Variants in KDM8 observed in about 807,000 individuals in gnomAD.
The protein encoded by KDM8 is lysine demethylase 8.
In KDM8, 35 loss-of-function variants were observed where a neutral mutation model predicts 46.9. That is an observed-to-expected ratio of 0.75 (90% CI 0.57 to 0.99). The LOEUF is 0.99. Ranked by LOEUF, KDM8 falls within the 50% of genes least tolerant of loss-of-function variation. The pLI, the probability that KDM8 is intolerant of heterozygous loss-of-function variation, is 0.00. For missense variants in KDM8, 475 were observed against 537.0 expected, an observed-to-expected ratio of 0.88 and a Z score of 1.14; for synonymous variants, 232 against 227.7, an observed-to-expected ratio of 1.02 and a Z score of -0.17.
At chr16:27,219,754 G>T (rs764136542) in intron 6 of KDM8, among the ~76,000 whole-genome samples, 1 of 152,198 alleles carries the variant, frequency 6.6e-6, no homozygotes, top group Non-Finnish European at 1.5e-5. Context: ...TAATCTCTCT[G>T]TGCTTCAGTT....
intron 5 of KDM8, among the ~76,000 whole-genome samples, chr16:27,218,613 G>A (rs146571504): frequency 2.9e-4 from 44 of 152,312 alleles, no homozygotes; most frequent in African/African-American, 8.9e-4. Context: ...AGGCCGAGGC[G>A]GGTGGATCAA....
At chr16:27,204,168 AG>A in intron 1 of KDM8, 4 of 1,509,886 alleles carry the variant, frequency 2.6e-6, no homozygotes, top group Non-Finnish European at 3.5e-6. Flanking sequence ...GCTCAAGGCC[AG>A]TGCGGGGTAC....
intron 2 of KDM8, among the ~76,000 whole-genome samples, chr16:27,210,839 T>G (rs1004720178): frequency 2.6e-5 from 4 of 151,526 alleles, no homozygotes; most frequent in African/African-American, 9.7e-5. Flanking sequence ...CTCGGCTCCT[T>G]GCAGCCTCCA....
In KDM8 at chr16:27,220,614, G is replaced by T. The variant is rs761792329; in HGVS notation, c.1135G>T (p.Ala379Ser). ...DLEKFPKFAK[A>S]PFLSCILSPG... is the part of the protein sequence containing the mutation. ...GGAAAAGTTCCCCAAGTTTGCCAAG[G>T]CCCCATTCCTGTCCTGCATCCTGTC... Residue 379 changes from alanine (A) to serine (S), a missense_variant, in exon 8 of 8, where the codon GCC (alanine) becomes TCC (serine). Ala to Ser is a moderately conservative substitution (Grantham distance 99). Transcript: ENST00000286096. 6.2e-7 allele frequency: 1 copy of T among 1,614,120 alleles called. No homozygotes were observed. Among genetic ancestry groups the T allele is most frequent in the African/African-American group, 1.3e-5 (1 of 75,012 alleles).
In KDM8 at chr16:27,213,707, C is replaced by T; in HGVS notation, c.621C>T (p.Ile207=). The change falls in exon 3 of 8, where the codon ATC becomes ATT. Residue 207 remains isoleucine (I), a synonymous_variant. Coordinates refer to ENST00000286096, the MANE Select transcript of KDM8 (RefSeq NM_024773.3). ...EQFLVPGRPV[I]LKGVADHWPC... is the part of the protein sequence containing the mutation. ...TTTTGGTTCCAGGGAGGCCCGTGAT[C>T]CTGAAAGGCGTGGCTGACCACTGGC... The T allele has an allele frequency of 6.2e-7, 1 of 1,614,186 alleles. No homozygotes were observed. Among genetic ancestry groups the T allele is most frequent in the East Asian group, 2.2e-5 (1 of 44,886 alleles).
At position 27,210,517 on chromosome 16, in the gene KDM8, G is replaced by A. The variant is rs556159194; in HGVS notation, c.394G>A (p.Ala132Thr). 2.6e-6 allele frequency: 4 copies of A among 1,556,690 alleles called. No individual in the cohort carries two copies. The highest frequency in any genetic ancestry group is 2.7e-5 in the African/African-American group (2 of 73,712). ...TGACATGGGCCTGCTGATGGGGGCA[G>A]CCATCCTGGGGGACATCCTTCTTAA... ...VCDMGLLMGA[A>T]ILGDILLKVA... The change falls in exon 2 of 8, where the codon GCC becomes ACC. Residue 132 changes from alanine (A) to threonine (T), a missense_variant. Ala to Thr is a moderately conservative substitution (Grantham distance 58, BLOSUM62 0). Coordinates refer to ENST00000286096, the MANE Select transcript of KDM8 (RefSeq NM_024773.3).
chr16:27,208,686 G>C (rs1052358903), intron 1 of KDM8, among the ~76,000 whole-genome samples: 4 of 152,130 alleles, frequency 2.6e-5, no homozygotes, highest in Non-Finnish European at 5.9e-5. Context: ...CCACACACGG[G>C]ATGAGCCAGG....
chr16:27,210,316 C>G lies in KDM8; in HGVS notation c.193C>G (p.Leu65Val). 6.2e-7 allele frequency: 1 copy of G among 1,613,320 alleles called. No homozygotes were observed. Among genetic ancestry groups the G allele is most frequent in the Non-Finnish European group, 8.5e-7 (1 of 1,180,036 alleles). ...LFYEGRRDEC[L>V]QSSEVILDYS... ...CTACGAGGGCAGGAGGGACGAGTGTCTGCAGAGCAGCGAGGTGATCCTGGA... is the reference window on the plus strand; with the variant it reads ...CTACGAGGGCAGGAGGGACGAGTGTGTGCAGAGCAGCGAGGTGATCCTGGA... Residue 65 changes from leucine to valine, a missense_variant, in exon 2 of 8, where the codon CTG (leucine) becomes GTG (valine). Transcript: ENST00000286096.
intron 1 of KDM8, among the ~76,000 whole-genome samples, chr16:27,205,353 C>T (rs1297905904): frequency 1.3e-5 from 2 of 152,172 alleles, no homozygotes; most frequent in Non-Finnish European, 2.9e-5. Context: ...TCATTTCATA[C>T]ACCAGCAGAC....
chr16:27,217,393 A>AATC (rs1051673706), intron 5 of KDM8, among the ~76,000 whole-genome samples: 5 of 152,112 alleles, frequency 3.3e-5, no homozygotes, highest in Non-Finnish European at 5.9e-5. Context: ...CTGGTCAGCC[A>AATC]ATCACCTTTC....
Position 27,220,401 on chromosome 16 carries a change from G to A in KDM8, c.1002G>A (p.Gly334=). ...PQQNFLVQVM[G]RKYIRLYSPQ... ...AGGGTCTCTCTCCCCAGGTGATGGG[G>A]AGGAAGTACATCCGGCTGTATTCCC... Residue 334 remains glycine (G), a synonymous_variant, in exon 7 of 8, where the codon GGG becomes GGA. Transcript: ENST00000286096. 1 of 1,613,944 alleles carries A rather than the reference G, an allele frequency of 6.2e-7. No individual in the cohort carries two copies. Among genetic ancestry groups the A allele is most frequent in the Non-Finnish European group, 8.5e-7 (1 of 1,179,890 alleles).
chr16:27,217,088 G>A (rs1039852642), intron 5 of KDM8, among the ~76,000 whole-genome samples: 3 of 152,240 alleles, frequency 2.0e-5, no homozygotes, highest in Non-Finnish European at 4.4e-5. Flanking sequence ...TCCCAGAGCT[G>A]AGTGTCTACC....
intron 5 of KDM8, among the ~76,000 whole-genome samples, chr16:27,218,392 T>C (rs1596658778): frequency 6.6e-6 from 1 of 151,954 alleles, no homozygotes; most frequent in Admixed American, 6.6e-5. Context: ...TCAGAGGCCA[T>C]GGGGAGCCGC....
intron 1 of KDM8, among the ~76,000 whole-genome samples, chr16:27,208,555 A>T (rs751707847): frequency 3.3e-5 from 5 of 152,154 alleles, no homozygotes; most frequent in Non-Finnish European, 7.4e-5. Context: ...GTAGGGCAAT[A>T]AATGGTCTCC....
chr16:27,204,243 A>C, intron 1 of KDM8: 1 of 1,417,000 alleles, frequency 7.1e-7, no homozygotes, highest in Non-Finnish European at 9.2e-7. Flanking sequence ...GCTCGGTAGG[A>C]CTTAACGATG....
chr16:27,210,312 G>T lies in KDM8; in HGVS notation c.189G>T (p.Glu63Asp). The T allele has an allele frequency of 1.2e-6, 2 of 1,613,340 alleles. No homozygotes were observed. The highest frequency in any genetic ancestry group is 2.2e-5 in the South Asian group (2 of 91,088). Residue 63 changes from glutamate to aspartate, a missense_variant, in exon 2 of 8, where the codon GAG (glutamate) becomes GAT (aspartate). By Grantham distance (45) the Glu-to-Asp change is conservative. Transcript: ENST00000286096. The part of the protein sequence containing the change: ...TELFYEGRRD[E>D]CLQSSEVILD... ...TCTTCTACGAGGGCAGGAGGGACGA[G>T]TGTCTGCAGAGCAGCGAGGTGATCC...
intron 2 of KDM8, among the ~76,000 whole-genome samples, chr16:27,212,101 T>C (rs996524622): frequency 1.3e-5 from 2 of 152,180 alleles, no homozygotes; most frequent in Admixed American, 1.3e-4. Context: ...ACGTAAGGAA[T>C]GGTACAAATC....
rs767728370 is a variant in KDM8 at position 27,220,662 on chromosome 16, C to T, written c.1183C>T (p.Pro395Ser). 3 of 1,614,028 alleles carry T rather than the reference C, an allele frequency of 1.9e-6. No individual in the cohort carries two copies. The Admixed American group carries it at 5.0e-5, about 27-fold the overall frequency. Residue 395 changes from proline (P) to serine (S), a missense_variant, in exon 8 of 8, where the codon CCG becomes TCG. Coordinates refer to ENST00000286096, the MANE Select transcript of KDM8 (RefSeq NM_024773.3). ...ILSPGEILFI[P>S]VKYWHYVRAL... ...GTCTCCTGGAGAGATCCTGTTCATCCCGGTGAAATACTGGCATTACGTGCG... is the reference window on the plus strand; with the variant it reads ...GTCTCCTGGAGAGATCCTGTTCATCTCGGTGAAATACTGGCATTACGTGCG...
At chr16:27,220,322 A>C (rs1426556388) in intron 6 of KDM8, 71 bp from the exon 7 acceptor site, 1 of 1,324,638 alleles carries the variant, frequency 7.5e-7, no homozygotes, top group African/African-American at 1.4e-5. Flanking sequence ...GGAAGGGCAC[A>C]GAGGCCAGAG....
Sources: gnomAD v4.1 joint callset for allele counts (sites outside exome capture counted in the v4.1 genomes callset) on GRCh38, gnomAD v4.1.1 for gene constraint, MANE v1.5 for transcripts, NCBI Gene and HGNC (gene_info 2026-07-23, HGNC 2026-07-21) for gene names.